Variants in MAP3K7CL observed in about 807,000 individuals in gnomAD.
MAP3K7CL encodes MAP3K7 C-terminal like, also known as MAP3K7 C-terminal-like protein.
In MAP3K7CL, 16 loss-of-function variants were observed where a neutral mutation model predicts 18.6. That is an observed-to-expected ratio of 0.86 (90% CI 0.58 to 1.31). MAP3K7CL has a LOEUF of 1.31. MAP3K7CL is among the 50% of genes most tolerant of loss of function. The pLI is 0.00. For missense variants in MAP3K7CL, 163 were observed against 174.4 expected, an observed-to-expected ratio of 0.93 and a Z score of 0.37; for synonymous variants, 65 against 66.8, an observed-to-expected ratio of 0.97 and a Z score of 0.13.
intron 4 of MAP3K7CL, among the ~76,000 whole-genome samples, chr21:29,165,614 C>G (rs919103735): frequency 6.4e-4 from 98 of 152,312 alleles, no homozygotes; most frequent in Non-Finnish European, 8.8e-5. Flanking sequence ...CTCAGTCTCC[C>G]AGGCTGCAGT....
chr21:29,165,496 T>C (rs2087662979), intron 4 of MAP3K7CL, among the ~76,000 whole-genome samples: 1 of 152,184 alleles, frequency 6.6e-6, no homozygotes, highest in Admixed American at 6.5e-5. Context: ...TCCCACCCTT[T>C]CCCGAGTCCC....
At chr21:29,143,715 G>A (rs979585014) in intron 2 of MAP3K7CL, among the ~76,000 whole-genome samples, 9 of 152,042 alleles carry the variant, frequency 5.9e-5, no homozygotes, top group East Asian at 3.9e-4. Context: ...GAGCTACCCC[G>A]CGTGGCCCAA....
upstream of MAP3K7CL, chr21:29,127,736 G>T (rs1317390596): frequency 6.6e-6 from 1 of 152,052 alleles, no homozygotes; most frequent in Non-Finnish European, 1.5e-5. Context: ...TGTCATTTTT[G>T]ATGTCATGAG....
At chr21:29,120,658 T>C (rs964166879) in intron 4 of MAP3K7CL, among the ~76,000 whole-genome samples, 2 of 125,732 alleles carry the variant, frequency 1.6e-5, no homozygotes, top group African/African-American at 5.5e-5. Flanking sequence ...TGAGTCTCTT[T>C]TCTTTCTTTC....
At position 29,170,423 on chromosome 21, in the gene MAP3K7CL, A is replaced by G. The variant is rs143357397; in HGVS notation, c.249-4289A>G. ...TTATCTCTGACAATCAAAATTAATG[A>G]CAGATAGCTTCAGGAGTTTTACATG... is the stretch of plus-strand genomic sequence containing the variant. On this transcript the variant is annotated intron_variant, in intron 4 of 4. Transcript: ENST00000399928. Among the ~76,000 whole-genome samples, 783 of 152,314 alleles carry G rather than the reference A, an allele frequency of 5.1e-3. 7 individuals carry two copies. The highest frequency in any genetic ancestry group is 0.018 in the African/African-American group (747 of 41,546).
At chr21:29,146,731 G>A (rs2087136744) in intron 2 of MAP3K7CL, among the ~76,000 whole-genome samples, 1 of 152,148 alleles carries the variant, frequency 6.6e-6, no homozygotes, top group Non-Finnish European at 1.5e-5. Context: ...ATTCAAATTT[G>A]GTGATGCATT....
chr21:29,118,334 C>T, intron 4 of MAP3K7CL, among the ~76,000 whole-genome samples: 1 of 127,100 alleles, frequency 7.9e-6, no homozygotes, highest in Non-Finnish European at 1.6e-5. Context: ...ATTTGCCTGC[C>T]TCGGCCTCCC....
intron 2 of MAP3K7CL, chr21:29,139,309 G>A (rs2086951427): frequency 6.6e-6 from 1 of 152,186 alleles, no homozygotes; most frequent in South Asian, 2.1e-4. Context: ...GAAGCACTGG[G>A]AGAAGAGAAG....
chr21:29,144,202 C>T (rs2087074164), intron 2 of MAP3K7CL, among the ~76,000 whole-genome samples: 1 of 150,846 alleles, frequency 6.6e-6, no homozygotes, highest in Admixed American at 6.6e-5. Flanking sequence ...GGCTGGAGTG[C>T]AAGCAGGGGC....
chr21:29,091,223 T>C (rs2086021749), intron 1 of MAP3K7CL, among the ~76,000 whole-genome samples: 1 of 152,218 alleles, frequency 6.6e-6, no homozygotes, highest in African/African-American at 2.4e-5. Context: ...AACAGTGTAT[T>C]ACCAAATGGT....
intron 2 of MAP3K7CL, 56 bp downstream of exon 2, chr21:29,133,470 C>G (rs146541035): frequency 7.5e-7 from 1 of 1,333,658 alleles, no homozygotes; most frequent in Non-Finnish European, 1.0e-6. Flanking sequence ...TTTCTAGCAT[C>G]TTTTCTAATG....
At chr21:29,077,475 G>A (rs998464198), upstream of MAP3K7CL, 4 of 153,452 alleles carry the variant, frequency 2.6e-5, no homozygotes, top group African/African-American at 7.2e-5. Context: ...ACCGCGCGCA[G>A]CCCCGGTTCC....
At chr21:29,130,562 T>C (rs560665191), upstream of MAP3K7CL, 21 of 981,436 alleles carry the variant, frequency 2.1e-5, no homozygotes, top group East Asian at 1.1e-4. Context: ...ATTAAAACAT[T>C]TGGACTCCCC....
chr21:29,164,856 A>T (rs931799081), intron 4 of MAP3K7CL, among the ~76,000 whole-genome samples: 1 of 152,150 alleles, frequency 6.6e-6, no homozygotes, highest in Non-Finnish European at 1.5e-5. Flanking sequence ...TATCATTTTT[A>T]TCTAATTCTT....
chr21:29,123,394 A>G (rs955710090), intron 4 of MAP3K7CL, among the ~76,000 whole-genome samples: 1 of 152,128 alleles, frequency 6.6e-6, no homozygotes, highest in African/African-American at 2.4e-5. Flanking sequence ...TTCGCTGTCT[A>G]TGAAGTAGTC....
intron 4 of MAP3K7CL, among the ~76,000 whole-genome samples, chr21:29,162,879 C>T (rs890588105): frequency 2.0e-5 from 3 of 151,980 alleles, no homozygotes; most frequent in Admixed American, 6.6e-5. Context: ...GAAAGGCAGG[C>T]GGATCACCTG....
At chr21:29,148,586 T>C (rs3787660) in intron 2 of MAP3K7CL, among the ~76,000 whole-genome samples, 71,686 of 151,932 alleles carry the variant, frequency 0.47, 17,045 homozygotes, top group East Asian at 0.6. Context: ...TGGCGCTCCC[T>C]AACAAAGCTG....
At chr21:29,130,490 T>A (rs1463979793), upstream of MAP3K7CL, 5 of 568,686 alleles carry the variant, frequency 8.8e-6, no homozygotes, top group Admixed American at 6.4e-5. Flanking sequence ...TGGGTCACGC[T>A]GAAGACATTC....
At chr21:29,083,012 GTCA>G (rs909263743), upstream of MAP3K7CL, among the ~76,000 whole-genome samples, 1 of 151,834 alleles carries the variant, frequency 6.6e-6, no homozygotes, top group Non-Finnish European at 1.5e-5. Flanking sequence ...AAACATTAGT[GTCA>G]TCATTCTTCG....
Sources: gnomAD v4.1 joint callset for allele counts (sites outside exome capture counted in the v4.1 genomes callset) on GRCh38, gnomAD v4.1.1 for gene constraint, MANE v1.5 for transcripts, NCBI Gene and HGNC (gene_info 2026-07-23, HGNC 2026-07-21) for gene names.